Variants in CACNA2D3 observed in about 807,000 individuals in gnomAD.
CACNA2D3 encodes the protein calcium voltage-gated channel auxiliary subunit alpha2delta 3.
Under a neutral mutation model 160.6 loss-of-function variants are expected in CACNA2D3, and 60 were observed. The observed-to-expected ratio is 0.37, with a 90% CI of 0.30 to 0.46. CACNA2D3 has a LOEUF of 0.46. CACNA2D3 is among the 20% of genes least tolerant of loss of function. The probability of loss-of-function intolerance (pLI) is 1.00; values close to 1 mark genes in which losing one functional copy is unlikely to be tolerated. For missense variants in CACNA2D3, 1,205 were observed against 1,365.0 expected, an observed-to-expected ratio of 0.88 and a Z score of 1.85; for synonymous variants, 558 against 492.9, an observed-to-expected ratio of 1.13 and a Z score of -1.75.
intron 2 of CACNA2D3, among the ~76,000 whole-genome samples, chr3:54,221,220 CTT>C: frequency 6.6e-6 from 1 of 152,302 alleles, no homozygotes; most frequent in Admixed American, 6.5e-5. Flanking sequence ...ATCCATGAGT[CTT>C]TGACTTCACG....
intron 4 of CACNA2D3, among the ~76,000 whole-genome samples, chr3:54,391,436 A>G (rs1157899306): frequency 6.6e-6 from 1 of 152,166 alleles, no homozygotes; most frequent in African/African-American, 2.4e-5. Flanking sequence ...TGAACAAACC[A>G]AAATGCAGAA....
At chr3:54,167,791 G>A (rs1700487892) in intron 2 of CACNA2D3, among the ~76,000 whole-genome samples, 1 of 152,222 alleles carries the variant, frequency 6.6e-6, no homozygotes, top group Admixed American at 6.5e-5. Context: ...GGTTGTGACT[G>A]TTGTAGGAGG....
chr3:54,924,846 TC>T (rs1042439683), intron 27 of CACNA2D3: 1 of 1,613,764 alleles, frequency 6.2e-7, no homozygotes, highest in Non-Finnish European at 8.5e-7. Flanking sequence ...CAAATCAAGC[TC>T]CCTCAGCTGA....
intron 2 of CACNA2D3, among the ~76,000 whole-genome samples, chr3:54,199,239 C>G (rs760452837): frequency 5.3e-5 from 8 of 152,172 alleles, no homozygotes; most frequent in Non-Finnish European, 1.2e-4. Flanking sequence ...CTCTGTATCC[C>G]CACTGCCCTC....
chr3:54,319,133 G>A (rs1703932248), intron 2 of CACNA2D3, among the ~76,000 whole-genome samples: 1 of 148,424 alleles, frequency 6.7e-6, no homozygotes, highest in African/African-American at 2.5e-5. Flanking sequence ...TTGAGCATTT[G>A]AACAAGGAAG....
intron 11 of CACNA2D3, among the ~76,000 whole-genome samples, chr3:54,724,365 T>C (rs1044318828): frequency 1.3e-5 from 2 of 151,994 alleles, no homozygotes; most frequent in African/African-American, 4.8e-5. Context: ...TCAACGAGAC[T>C]GAAAATTAAC....
intron 2 of CACNA2D3, among the ~76,000 whole-genome samples, chr3:54,161,269 C>T (rs1700339390): frequency 6.6e-6 from 1 of 152,220 alleles, no homozygotes; most frequent in South Asian, 2.1e-4. Flanking sequence ...TCCCCCTTCA[C>T]CAGATCCTTA....
At chr3:54,483,100 C>T (rs1166148489) in intron 4 of CACNA2D3, among the ~76,000 whole-genome samples, 3 of 152,222 alleles carry the variant, frequency 2.0e-5, no homozygotes, top group East Asian at 1.9e-4. Context: ...AATGGCTTGG[C>T]ATTGAGAGCA....
At chr3:54,269,604 A>G (rs983732714) in intron 2 of CACNA2D3, among the ~76,000 whole-genome samples, 1 of 152,168 alleles carries the variant, frequency 6.6e-6, no homozygotes, top group Admixed American at 6.5e-5. Context: ...TGTGTAAAGC[A>G]TGTAAAGAAA....
intron 2 of CACNA2D3, among the ~76,000 whole-genome samples, chr3:54,305,059 C>G (rs971667022): frequency 6.6e-6 from 1 of 152,216 alleles, no homozygotes; most frequent in East Asian, 1.9e-4. Context: ...GGCATAGTAA[C>G]GTAGCAGCTG....
intron 2 of CACNA2D3, among the ~76,000 whole-genome samples, chr3:54,219,150 C>G (rs1701519496): frequency 6.6e-6 from 1 of 152,200 alleles, no homozygotes; most frequent in African/African-American, 2.4e-5. Flanking sequence ...TTACCCACTT[C>G]AATGCATGCT....
chr3:54,960,684 G>C (rs1006425416), intron 27 of CACNA2D3, among the ~76,000 whole-genome samples: 2 of 152,298 alleles, frequency 1.3e-5, no homozygotes, highest in East Asian at 3.9e-4. Flanking sequence ...GAGTGCAGCT[G>C]CCTTCCCTTC....
rs116583539 is a variant in CACNA2D3, at chr3:54,438,569, G to A, written c.381+51795G>A. Among the ~76,000 whole-genome samples, 1,026 of 152,262 alleles carry A rather than the reference G, an allele frequency of 6.7e-3. 13 individuals are homozygous for A. Among genetic ancestry groups the A allele is most frequent in the African/African-American group, 0.024 (980 of 41,550 alleles). ...TGCACATTTCTTTGTTTAAAGGAAC[G>A]ACTGAATTGAATTATTATTAAAAGC... is the stretch of plus-strand genomic sequence containing the variant. On this transcript the variant is annotated intron_variant, in intron 4 of 37. Transcript: ENST00000474759.
intron 4 of CACNA2D3, among the ~76,000 whole-genome samples, chr3:54,435,707 T>C (rs1700049774): frequency 6.6e-6 from 1 of 152,010 alleles, no homozygotes; most frequent in African/African-American, 2.4e-5. Context: ...ATACCAAGAA[T>C]CCAGAGAAAT....
chr3:54,265,885 T>C (rs982889817), intron 2 of CACNA2D3, among the ~76,000 whole-genome samples: 1 of 151,944 alleles, frequency 6.6e-6, no homozygotes, highest in Admixed American at 6.6e-5. Context: ...GAGGTTCAAG[T>C]TTAGTGTGCT....
At chr3:54,627,429 G>C (rs1030047263) in intron 9 of CACNA2D3, among the ~76,000 whole-genome samples, 1 of 152,158 alleles carries the variant, frequency 6.6e-6, no homozygotes. Flanking sequence ...CCCAGTGGAG[G>C]GGTGCATATG....
At chr3:54,742,275 CA>C (rs1701665909) in intron 11 of CACNA2D3, among the ~76,000 whole-genome samples, 1 of 151,878 alleles carries the variant, frequency 6.6e-6, no homozygotes, top group East Asian at 2.0e-4. Context: ...AAAAATTAGC[CA>C]ATGTGGTGGT....
At chr3:54,450,303 A>G (rs984076382) in intron 4 of CACNA2D3, among the ~76,000 whole-genome samples, 2 of 152,224 alleles carry the variant, frequency 1.3e-5, no homozygotes, top group African/African-American at 2.4e-5. Flanking sequence ...AGCCTACAAC[A>G]TATTGCCTTT....
At chr3:55,020,178 C>T (rs998753698) in intron 35 of CACNA2D3, among the ~76,000 whole-genome samples, 8 of 151,288 alleles carry the variant, frequency 5.3e-5, no homozygotes, top group Non-Finnish European at 1.2e-4. Flanking sequence ...AATTTTAAAT[C>T]ATGAAATATA....
Sources: allele counts gnomAD v4.1 joint callset (sites outside exome capture counted in the v4.1 genomes callset), GRCh38; gene constraint gnomAD v4.1.1; transcripts MANE v1.5; gene names NCBI Gene and HGNC (gene_info 2026-07-23, HGNC 2026-07-21).